The following FAF1 variants were observed in gnomAD, a reference collection of about 807,000 sequenced individuals.
The protein encoded by FAF1 is FAS-associated factor 1.
Under a neutral mutation model 92.5 loss-of-function variants are expected in FAF1, and 25 were observed. The observed-to-expected ratio is 0.27, with a 90% CI of 0.20 to 0.38. The LOEUF is 0.38. Ranked by LOEUF, FAF1 falls within the 10% of genes least tolerant of loss-of-function variation. FAF1 has a pLI of 1.00. For synonymous variants in FAF1, 234 were observed against 273.2 expected (o/e 0.86, Z 1.42); for missense variants, 636 against 793.3 (o/e 0.80, Z 2.38).
intron 18 of FAF1, among the ~76,000 whole-genome samples, chr1:50,445,614 T>C (rs1424657645): frequency 2.6e-5 from 4 of 152,174 alleles, no homozygotes; most frequent in Non-Finnish European, 5.9e-5. Flanking sequence ...AAAATATGAA[T>C]ACAAAAACCC....
At chr1:50,573,229 G>A (rs1205666754) in intron 12 of FAF1, among the ~76,000 whole-genome samples, 3 of 151,736 alleles carry the variant, frequency 2.0e-5, no homozygotes, top group African/African-American at 7.3e-5. Flanking sequence ...CTCCTGAGTA[G>A]CTGAGATTGC....
At chr1:50,696,284 A>T (rs1295752771) in intron 7 of FAF1, among the ~76,000 whole-genome samples, 2 of 152,168 alleles carry the variant, frequency 1.3e-5, no homozygotes, top group Non-Finnish European at 2.9e-5. Flanking sequence ...ATCCTCCCAG[A>T]AACAGGCCTA....
At chr1:50,599,706 T>G (rs915375282) in intron 8 of FAF1, among the ~76,000 whole-genome samples, 1 of 152,158 alleles carries the variant, frequency 6.6e-6, no homozygotes, top group African/African-American at 2.4e-5. Flanking sequence ...AATGGATGGG[T>G]TGAAGAAAAA....
intron 8 of FAF1, among the ~76,000 whole-genome samples, chr1:50,627,845 T>A (rs12121634): frequency 0.063 from 9,561 of 151,540 alleles, 306 homozygotes; most frequent in African/African-American, 0.073. Context: ...TTTTTTTTTT[T>A]AAATGCTGCT....
chr1:50,554,390 T>TATAGAG lies in FAF1; in HGVS notation c.1268+12686_1268+12687insCTCTAT. Among the ~76,000 whole-genome samples the TATAGAG allele has an allele frequency of 4.0e-3, 374 of 93,656 alleles. 4 individuals carry two copies. The highest frequency in any genetic ancestry group is 0.013 in the Middle Eastern group (2 of 156). 61.4% of individuals were successfully genotyped at this position (93,656 alleles called of 152,430 possible). A position where few individuals can be genotyped will look rare whatever the true frequency, so the allele number is the denominator to read the frequency against. ...ATATATATATATATATATATATATA[T>TATAGAG]AGAGAGAGAGAGAGAGAGAGAGAGA... On this transcript the variant is annotated intron_variant, in intron 13 of 18. Transcript: ENST00000396153.
At chr1:50,716,565 A>C (rs1276056292) in intron 6 of FAF1, among the ~76,000 whole-genome samples, 1 of 152,156 alleles carries the variant, frequency 6.6e-6, no homozygotes, top group African/African-American at 2.4e-5. Context: ...TAAATACACC[A>C]ATCAGCTCTC....
At chr1:50,822,076 C>T (rs561393826) in intron 2 of FAF1, among the ~76,000 whole-genome samples, 6 of 151,078 alleles carry the variant, frequency 4.0e-5, no homozygotes, top group South Asian at 2.1e-4. Context: ...GAATTCCAAC[C>T]GGCAATCCTA....
intron 13 of FAF1, among the ~76,000 whole-genome samples, chr1:50,558,185 C>T (rs12080204): frequency 0.048 from 7,239 of 151,620 alleles, 563 homozygotes; most frequent in African/African-American, 0.16. Context: ...AGGTGTGAGC[C>T]GCCGCATCCA....
chr1:50,550,958 T>A (rs1480446168), intron 13 of FAF1, among the ~76,000 whole-genome samples: 1 of 152,204 alleles, frequency 6.6e-6, no homozygotes, highest in Non-Finnish European at 1.5e-5. Flanking sequence ...AGAAATACAA[T>A]AGATACATAT....
intron 8 of FAF1, among the ~76,000 whole-genome samples, chr1:50,608,552 C>T (rs1174920402): frequency 6.6e-6 from 1 of 152,160 alleles, no homozygotes; most frequent in African/African-American, 2.4e-5. Context: ...TGCAACATTG[C>T]TTCAATGAGT....
chr1:50,751,501 G>A (rs1292502974), intron 4 of FAF1, among the ~76,000 whole-genome samples: 4 of 151,662 alleles, frequency 2.6e-5, no homozygotes, highest in Non-Finnish European at 5.9e-5. Flanking sequence ...GTGCCACCAC[G>A]CCTGACAAAT....
chr1:50,717,001 C>T (rs201403662), intron 6 of FAF1, among the ~76,000 whole-genome samples: 2 of 152,122 alleles, frequency 1.3e-5, no homozygotes, highest in African/African-American at 4.8e-5. Context: ...TTGAAGTCAG[C>T]GAGACCACCA....
intron 18 of FAF1, among the ~76,000 whole-genome samples, chr1:50,445,941 A>G (rs778196886): frequency 6.6e-6 from 1 of 152,218 alleles, no homozygotes; most frequent in Non-Finnish European, 1.5e-5. Context: ...TTTCTAGATC[A>G]ATTTTCTTAG....
At chr1:50,881,379 T>A (rs1300898880) in intron 1 of FAF1, among the ~76,000 whole-genome samples, 1 of 152,182 alleles carries the variant, frequency 6.6e-6, no homozygotes, top group Non-Finnish European at 1.5e-5. Context: ...GGAAGGCTAC[T>A]TTCAAAGTTG....
intron 6 of FAF1, among the ~76,000 whole-genome samples, chr1:50,711,465 T>A (rs981905458): frequency 0.016 from 883 of 56,162 alleles, 5 homozygotes; most frequent in African/African-American, 0.08. Context: ...CACACTGACT[T>A]TTTTTTTTTT....
At chr1:50,905,230 G>A (rs1302935030) in intron 1 of FAF1, among the ~76,000 whole-genome samples, 2 of 152,152 alleles carry the variant, frequency 1.3e-5, no homozygotes, top group African/African-American at 2.4e-5. Flanking sequence ...CCATTTTTAT[G>A]GCTGCATAGT....
At chr1:50,864,675 A>C (rs374868052) in intron 1 of FAF1, among the ~76,000 whole-genome samples, 2,051 of 152,044 alleles carry the variant, frequency 0.013, 40 homozygotes, top group African/African-American at 0.047. Flanking sequence ...CTTACACCTT[A>C]TACAAAAATC....
chr1:50,912,198 T>G (rs570239643), intron 1 of FAF1, among the ~76,000 whole-genome samples: 1 of 152,292 alleles, frequency 6.6e-6, no homozygotes, highest in East Asian at 1.9e-4. Context: ...AAGTCACTAT[T>G]ACAGAAAGCA....
At chr1:50,800,679 A>G (rs902975020) in intron 3 of FAF1, among the ~76,000 whole-genome samples, 35 of 152,290 alleles carry the variant, frequency 2.3e-4, no homozygotes, top group African/African-American at 7.7e-4. Flanking sequence ...CTTCCATCCT[A>G]AATATATGGT....
Sources: gnomAD v4.1 joint callset for allele counts (sites outside exome capture counted in the v4.1 genomes callset) on GRCh38, gnomAD v4.1.1 for gene constraint, MANE v1.5 for transcripts, NCBI Gene and HGNC (gene_info 2026-07-23, HGNC 2026-07-21) for gene names.